The following CPS1 variants were observed in gnomAD, a reference collection of about 807,000 sequenced individuals.
CPS1 encodes carbamoyl-phosphate synthase [ammonia], mitochondrial.
CPS1 carries 109 observed loss-of-function variants against 174.6 expected under a neutral mutation model. That is an observed-to-expected ratio of 0.62 (90% CI 0.53 to 0.73). The LOEUF is 0.73. Among genes scored for constraint, CPS1 ranks in the 30% least tolerant of loss-of-function variants. The pLI is 0.00. For missense variants in CPS1, 1,689 were observed against 1,821.9 expected (o/e 0.93, Z 1.33); for synonymous variants, 637 against 632.0 (o/e 1.01, Z -0.12).
Position 210,599,293 on chromosome 2 carries a change from C to G in CPS1, c.1360-79C>G. The G allele has an allele frequency of 2.2e-6, 3 of 1,336,512 alleles. No individual in the cohort carries two copies. In the Admixed American group the frequency reaches 5.1e-5, roughly 23 times the overall value. The allele number at this position is 1,336,512 out of a possible 1,614,324, so 82.8% of individuals were successfully genotyped here. ...CAGATAACCTAAAAGCTTAGTTACC[C>G]CATGTCTTTTTATTTAAGTGTGGTC... On this transcript the variant is annotated intron_variant, in intron 13 of 37. Transcript: ENST00000233072.
At chr2:210,605,429 C>A (rs896249276) in intron 17 of CPS1, among the ~76,000 whole-genome samples, 183 bp downstream of exon 17, 1 of 151,850 alleles carries the variant, frequency 6.6e-6, no homozygotes, top group African/African-American at 2.4e-5. Flanking sequence ...ATTTGATCTT[C>A]ACACAAACCC....
intron 1 of CPS1, among the ~76,000 whole-genome samples, chr2:210,534,017 C>T (rs1054949274): frequency 6.6e-6 from 1 of 152,114 alleles, no homozygotes; most frequent in African/African-American, 2.4e-5. Flanking sequence ...CCTTAAGCTG[C>T]CCTTAGTTGG....
intron 1 of CPS1, among the ~76,000 whole-genome samples, chr2:210,480,491 G>A (rs1312395999): frequency 6.6e-6 from 1 of 152,192 alleles, no homozygotes; most frequent in African/African-American, 2.4e-5. Context: ...TATAGTGTCT[G>A]TGGTGTTCCT....
At chr2:210,675,116 A>G (rs1574677798) in intron 35 of CPS1, among the ~76,000 whole-genome samples, 155 bp downstream of exon 35, 1 of 152,256 alleles carries the variant, frequency 6.6e-6, no homozygotes, top group Non-Finnish European at 1.5e-5. Context: ...GAGTCAAATC[A>G]TTAAAAAGAC....
At chr2:210,627,880 G>T (rs1027351482) in intron 21 of CPS1, among the ~76,000 whole-genome samples, 1 of 151,892 alleles carries the variant, frequency 6.6e-6, no homozygotes, top group Non-Finnish European at 1.5e-5. Context: ...TGTTGGTCTG[G>T]TTCTTTCCCT....
At chr2:210,487,830 A>C (rs1299108290) in intron 1 of CPS1, among the ~76,000 whole-genome samples, 1 of 152,196 alleles carries the variant, frequency 6.6e-6, no homozygotes, top group Non-Finnish European at 1.5e-5. Flanking sequence ...AATTCGTAAA[A>C]AGCCAAATGG....
chr2:210,574,908 A>G (rs1037755107), intron 2 of CPS1, among the ~76,000 whole-genome samples: 1 of 152,114 alleles, frequency 6.6e-6, no homozygotes, highest in Non-Finnish European at 1.5e-5. Context: ...GTATTCATCT[A>G]TAAGATTAGT....
Position 210,576,373 on chromosome 2 carries a change from C to T in CPS1, c.264C>T (p.Ala88=). The T allele has an allele frequency of 1.2e-6, 2 of 1,613,662 alleles. No homozygotes were observed. The highest frequency in any genetic ancestry group is 1.7e-6 in the Non-Finnish European group (2 of 1,179,700). The part of the protein sequence containing the change: ...GGYPEAITDP[A]YKGQILTMAN... ...ACCCAGAAGCTATTACTGACCCTGC[C>T]TACAAAGGACAGATTCTCACAATGG... The change falls in exon 3 of 38, where the codon GCC becomes GCT. Residue 88 remains alanine, a synonymous_variant. Coordinates refer to ENST00000233072, the MANE Select transcript of CPS1 (RefSeq NM_001875.5).
chr2:210,484,298 G>A (rs562283573), intron 1 of CPS1, among the ~76,000 whole-genome samples: 1 of 152,120 alleles, frequency 6.6e-6, no homozygotes, highest in African/African-American at 2.4e-5. Flanking sequence ...TAAATGCCAG[G>A]AGCCCAGCTG....
At chr2:210,638,420 G>A (rs1324849641) in intron 22 of CPS1, among the ~76,000 whole-genome samples, 1 of 152,036 alleles carries the variant, frequency 6.6e-6, no homozygotes, top group Non-Finnish European at 1.5e-5. Context: ...TTAATGGAAG[G>A]GATGTCTTAG....
In CPS1 at chr2:210,612,116, G is replaced by A. The variant is rs755882799; in HGVS notation, c.2392-1G>A. 1 of 1,611,516 alleles carries A rather than the reference G, an allele frequency of 6.2e-7. No individual in the cohort carries two copies. Among genetic ancestry groups the A allele is most frequent in the Non-Finnish European group, 8.5e-7 (1 of 1,178,358 alleles). The stretch of plus-strand genomic sequence containing the variant: ...TATGAGGTCTTAAACATGTATTACA[G>A]GTCATGGCTATTGGTCGTACCTTTG... On this transcript the variant is annotated splice_acceptor_variant, in intron 19 of 37. Transcript: ENST00000233072. LOFTEE classifies it high-confidence loss of function.
chr2:210,657,671 C>T (rs961782084), intron 30 of CPS1: 5 of 152,224 alleles, frequency 3.3e-5, no homozygotes, highest in Non-Finnish European at 2.9e-5. Flanking sequence ...TTAGATCAGG[C>T]TCAGGCTCAG....
At chr2:210,536,695 A>G (rs1439091144) in intron 1 of CPS1, among the ~76,000 whole-genome samples, 1 of 152,218 alleles carries the variant, frequency 6.6e-6, no homozygotes, top group Admixed American at 6.5e-5. Flanking sequence ...AGATCTTCAA[A>G]GAACACTGGA....
chr2:210,491,689 C>T (rs1391158955), intron 1 of CPS1, among the ~76,000 whole-genome samples: 1 of 152,106 alleles, frequency 6.6e-6, no homozygotes, highest in Non-Finnish European at 1.5e-5. Context: ...TGTTAAGGCA[C>T]CAAGTTTCTA....
At chr2:210,657,913 A>C (rs897453646) in intron 30 of CPS1, among the ~76,000 whole-genome samples, 3 of 152,268 alleles carry the variant, frequency 2.0e-5, no homozygotes, top group African/African-American at 7.2e-5. Context: ...CAAATCTCTC[A>C]GAGCTCAATG....
At chr2:210,561,761 T>C (rs937474801) in intron 1 of CPS1, among the ~76,000 whole-genome samples, 1 of 152,214 alleles carries the variant, frequency 6.6e-6, no homozygotes, top group Non-Finnish European at 1.5e-5. Context: ...TAGCTTCCAT[T>C]TGATTTTCTT....
chr2:210,635,130 A>C (rs1179854130), intron 21 of CPS1, among the ~76,000 whole-genome samples: 1 of 151,988 alleles, frequency 6.6e-6, no homozygotes, highest in East Asian at 1.9e-4. Context: ...TTTTTTGTAG[A>C]GACGGGGTTT....
At chr2:210,641,154 C>A (rs1336190277) in intron 24 of CPS1, among the ~76,000 whole-genome samples, 2 of 152,186 alleles carry the variant, frequency 1.3e-5, no homozygotes, top group Non-Finnish European at 2.9e-5. Context: ...CAAGGTCTTA[C>A]TATGTCACCT....
intron 6 of CPS1, among the ~76,000 whole-genome samples, chr2:210,584,331 A>G (rs1698031699): frequency 1.3e-5 from 2 of 152,102 alleles, no homozygotes; most frequent in African/African-American, 4.8e-5. Flanking sequence ...CTTCTCTTCC[A>G]TCACCAGTGT....
Sources: allele counts gnomAD v4.1 joint callset (sites outside exome capture counted in the v4.1 genomes callset), GRCh38; gene constraint gnomAD v4.1.1; transcripts MANE v1.5; gene names NCBI Gene and HGNC (gene_info 2026-07-23, HGNC 2026-07-21).